Variants in NKAIN3 observed in about 807,000 individuals in gnomAD.
The protein encoded by NKAIN3 is sodium/potassium transporting ATPase interacting 3, also known as sodium/potassium-transporting ATPase subunit beta-1-interacting protein 3.
A neutral mutation model predicts 30.2 loss-of-function variants in NKAIN3; 25 were observed. The ratio of observed to expected loss-of-function variants is 0.83; its 90% CI spans 0.60 to 1.16. The LOEUF (loss-of-function observed/expected upper bound fraction) is 1.16, where lower values mean the gene tolerates loss of function less well. Ranked by LOEUF, NKAIN3 falls within the 50% of genes most tolerant of loss-of-function variation. The pLI is 0.00. For synonymous variants in NKAIN3, 91 were observed against 89.6 expected, an observed-to-expected ratio of 1.02 and a Z score of -0.09; for missense variants, 225 against 254.1, an observed-to-expected ratio of 0.89 and a Z score of 0.78.
At chr8:62,518,219 G>T (rs1808053100) in intron 1 of NKAIN3, among the ~76,000 whole-genome samples, 2 of 152,042 alleles carry the variant, frequency 1.3e-5, no homozygotes, top group South Asian at 4.2e-4. Flanking sequence ...AATTAGCCAG[G>T]CATGGTGGTT....
At chr8:62,268,878 C>T (rs2129392055) in intron 1 of NKAIN3, among the ~76,000 whole-genome samples, 1 of 152,278 alleles carries the variant, frequency 6.6e-6, no homozygotes, top group Admixed American at 6.5e-5. Flanking sequence ...GAATGCCTGA[C>T]CAGGGATACT....
intron 4 of NKAIN3, chr8:62,856,262 G>A (rs1820056435): frequency 1.1e-6 from 1 of 899,836 alleles, no homozygotes; most frequent in Middle Eastern, 2.2e-4. Flanking sequence ...TATTGGAGAA[G>A]GCTTGAGAGC....
intron 1 of NKAIN3, among the ~76,000 whole-genome samples, chr8:62,480,820 A>G (rs13271751): frequency 0.083 from 12,681 of 152,002 alleles, 718 homozygotes; most frequent in Middle Eastern, 0.13. Context: ...GGACCTGGGG[A>G]TGGGGCATGC....
intron 5 of NKAIN3, among the ~76,000 whole-genome samples, chr8:62,991,638 T>G (rs1232928664): frequency 6.6e-6 from 1 of 152,172 alleles, no homozygotes; most frequent in Non-Finnish European, 1.5e-5. Flanking sequence ...GTTTTCAGAG[T>G]GTTTTTCTGA....
intron 3 of NKAIN3, among the ~76,000 whole-genome samples, chr8:62,660,745 C>G (rs1044430010): frequency 2.6e-5 from 4 of 152,148 alleles, no homozygotes; most frequent in Non-Finnish European, 5.9e-5. Context: ...CAGTAGTAAC[C>G]AGTCCACTAA....
intron 3 of NKAIN3, among the ~76,000 whole-genome samples, chr8:62,621,761 G>A (rs1811623798): frequency 6.6e-6 from 1 of 151,986 alleles, no homozygotes; most frequent in Non-Finnish European, 1.5e-5. Flanking sequence ...TTGATGTCAA[G>A]TCTCAGAACT....
chr8:62,863,273 T>G (rs1386889882), intron 4 of NKAIN3: 1 of 1,555,776 alleles, frequency 6.4e-7, no homozygotes, highest in Non-Finnish European at 8.7e-7. Context: ...ATTTTTCCTA[T>G]AGGTTTCTGC....
At chr8:62,677,965 C>G (rs1348385744) in intron 3 of NKAIN3, among the ~76,000 whole-genome samples, 1 of 152,188 alleles carries the variant, frequency 6.6e-6, no homozygotes, top group Non-Finnish European at 1.5e-5. Flanking sequence ...TAGTTTTACT[C>G]CCTTTCTGAG....
chr8:62,942,423 A>T (rs1421138280), intron 5 of NKAIN3, among the ~76,000 whole-genome samples: 1 of 151,606 alleles, frequency 6.6e-6, no homozygotes, highest in East Asian at 1.9e-4. Context: ...GGATGCATAG[A>T]ATCAATATTG....
chr8:62,360,543 G>A (rs4595118), intron 1 of NKAIN3, among the ~76,000 whole-genome samples: 147,759 of 152,276 alleles, frequency 0.97, 71,741 homozygotes, highest in East Asian at 1. Flanking sequence ...AAGTAAATTA[G>A]TTCATTTTAA....
Position 62,495,999 on chromosome 8 carries a change from A to G in NKAIN3, c.55-83540A>G, listed in dbSNP as rs535837338. The stretch of plus-strand genomic sequence containing the variant: ...CCCACTGAATTGGTCTAAGCAAGGA[A>G]TTTTGACTACAGTAAATGTGCACTG... On this transcript the variant is annotated intron_variant, in intron 1 of 6. Coordinates refer to ENST00000623646, the MANE Select transcript of NKAIN3 (RefSeq NM_001304533.3). Among the ~76,000 whole-genome samples the G allele has an allele frequency of 3.9e-5, 6 of 152,214 alleles. No homozygotes were observed. In the East Asian group the frequency reaches 1.2e-3, roughly 29 times the overall value.
intron 5 of NKAIN3, among the ~76,000 whole-genome samples, chr8:62,921,255 A>G (rs150734991): frequency 6.6e-6 from 1 of 152,298 alleles, no homozygotes; most frequent in East Asian, 1.9e-4. Flanking sequence ...ATCTGCAAAT[A>G]TAATATAATG....
chr8:62,931,094 T>C (rs955849420), intron 5 of NKAIN3, among the ~76,000 whole-genome samples: 1 of 152,228 alleles, frequency 6.6e-6, no homozygotes, highest in Admixed American at 6.5e-5. Flanking sequence ...CCCTTAAACA[T>C]TTAACATGAA....
intron 1 of NKAIN3, among the ~76,000 whole-genome samples, chr8:62,379,216 A>C (rs1348577973): frequency 6.6e-6 from 1 of 152,200 alleles, no homozygotes; most frequent in African/African-American, 2.4e-5. Context: ...TATTTATCCA[A>C]TACCTGTACC....
At chr8:62,906,607 T>G (rs961944398) in intron 4 of NKAIN3, among the ~76,000 whole-genome samples, 1 of 152,172 alleles carries the variant, frequency 6.6e-6, no homozygotes, top group Non-Finnish European at 1.5e-5. Context: ...AACTGAATCA[T>G]GGGAGTGGGA....
chr8:62,943,837 A>G (rs1823046869), intron 5 of NKAIN3, among the ~76,000 whole-genome samples: 1 of 149,832 alleles, frequency 6.7e-6, no homozygotes, highest in Non-Finnish European at 1.5e-5. Context: ...ATGGACTATT[A>G]CTCAGCCATT....
chr8:62,782,764 G>A (rs952821008), intron 4 of NKAIN3, among the ~76,000 whole-genome samples: 1 of 148,392 alleles, frequency 6.7e-6, no homozygotes, highest in African/African-American at 2.5e-5. Context: ...AGAATAGAAT[G>A]ATACATACGA....
intron 3 of NKAIN3, among the ~76,000 whole-genome samples, chr8:62,730,656 G>A (rs2127560): frequency 0.77 from 116,795 of 152,012 alleles, 46,170 homozygotes; most frequent in Non-Finnish European, 0.87. Context: ...TTGAATTTGC[G>A]AGATTGTGTT....
At chr8:62,518,341 A>G (rs1839877) in intron 1 of NKAIN3, among the ~76,000 whole-genome samples, 136,101 of 152,198 alleles carry the variant, frequency 0.89, 61,038 homozygotes, top group Middle Eastern at 0.95. Context: ...GGCTGAGCAA[A>G]ATTCCATCTC....
Sources: allele counts gnomAD v4.1 joint callset (sites outside exome capture counted in the v4.1 genomes callset), GRCh38; gene constraint gnomAD v4.1.1; transcripts MANE v1.5; gene names NCBI Gene and HGNC (gene_info 2026-07-23, HGNC 2026-07-21).